The following CCSER1 variants were observed in gnomAD, a reference collection of about 807,000 sequenced individuals.
CCSER1 encodes the protein coiled-coil serine rich protein 1.
In CCSER1, 41 loss-of-function variants were observed where a neutral mutation model predicts 82.0. The observed-to-expected ratio is 0.50, with a 90% CI of 0.39 to 0.65. CCSER1 has a LOEUF of 0.65. Ranked by LOEUF, CCSER1 falls within the 30% of genes least tolerant of loss-of-function variation. The probability of loss-of-function intolerance (pLI) is 0.00; values close to 1 mark genes in which losing one functional copy is unlikely to be tolerated. For synonymous variants in CCSER1, 414 were observed against 383.9 expected (o/e 1.08, Z -0.92); for missense variants, 1,119 against 1,064.2 (o/e 1.05, Z -0.72).
chr4:90,639,683 G>T (rs1560862285), intron 6 of CCSER1, among the ~76,000 whole-genome samples: 1 of 152,060 alleles, frequency 6.6e-6, no homozygotes, highest in Non-Finnish European at 1.5e-5. Flanking sequence ...GTTACAGGCA[G>T]ATTATATTGC....
chr4:91,497,116 C>A (rs1326085064), intron 10 of CCSER1, among the ~76,000 whole-genome samples: 1 of 151,238 alleles, frequency 6.6e-6, no homozygotes, highest in Non-Finnish European at 1.5e-5. Context: ...GTTGCCTGGG[C>A]TTAAATCCCA....
chr4:90,355,285 A>G (rs1744188714), intron 3 of CCSER1, among the ~76,000 whole-genome samples: 1 of 152,044 alleles, frequency 6.6e-6, no homozygotes, highest in Non-Finnish European at 1.5e-5. Context: ...GATATATTAT[A>G]GTAAAAGAAA....
chr4:90,270,939 T>A (rs933332381), intron 1 of CCSER1, among the ~76,000 whole-genome samples: 7 of 151,952 alleles, frequency 4.6e-5, no homozygotes, highest in African/African-American at 1.7e-4. Context: ...GCCAAAGACA[T>A]GAAAGATCTC....
chr4:90,557,972 T>C (rs1020720551), intron 5 of CCSER1, among the ~76,000 whole-genome samples: 1 of 152,194 alleles, frequency 6.6e-6, no homozygotes, highest in African/African-American at 2.4e-5. Flanking sequence ...ATTCCAATTG[T>C]GATCCTCTTC....
intron 5 of CCSER1, 177 bp downstream of exon 5, chr4:90,468,531 C>T: frequency 1.9e-6 from 1 of 528,382 alleles, no homozygotes; most frequent in Non-Finnish European, 3.2e-6. Context: ...TGTCTCCTAA[C>T]TTCATGTCTT....
chr4:90,932,611 C>T (rs1279246683), intron 9 of CCSER1, among the ~76,000 whole-genome samples: 3 of 151,634 alleles, frequency 2.0e-5, no homozygotes, highest in African/African-American at 4.8e-5. Context: ...GCGAATCACC[C>T]GAGGTCAGGA....
At chr4:90,475,561 C>T (rs1764961823) in intron 5 of CCSER1, among the ~76,000 whole-genome samples, 1 of 152,156 alleles carries the variant, frequency 6.6e-6, no homozygotes, top group Admixed American at 6.6e-5. Context: ...CAGTTGGAAG[C>T]ACAAGGGACA....
chr4:90,302,977 G>C (rs946281309), intron 1 of CCSER1, among the ~76,000 whole-genome samples: 4 of 152,052 alleles, frequency 2.6e-5, no homozygotes, highest in African/African-American at 9.7e-5. Flanking sequence ...AAAGAATATG[G>C]ATAATCTTGA....
At chr4:91,207,666 C>T (rs12510717) in intron 10 of CCSER1, among the ~76,000 whole-genome samples, 93,998 of 151,728 alleles carry the variant, frequency 0.62, 29,777 homozygotes, top group East Asian at 0.93. Flanking sequence ...GTCTTTGCTA[C>T]TGTGAATAGT....
intron 3 of CCSER1, among the ~76,000 whole-genome samples, chr4:90,370,630 G>A (rs1313372425): frequency 6.6e-6 from 1 of 151,936 alleles, no homozygotes; most frequent in Non-Finnish European, 1.5e-5. Flanking sequence ...TGCAAGGTTT[G>A]TGTTTCCTTT....
chr4:90,395,351 A>C (rs1244512141), intron 3 of CCSER1, among the ~76,000 whole-genome samples: 1 of 152,228 alleles, frequency 6.6e-6, no homozygotes, highest in African/African-American at 2.4e-5. Flanking sequence ...CAAATGTATT[A>C]ATGCTAGGCA....
intron 9 of CCSER1, among the ~76,000 whole-genome samples, chr4:91,009,035 G>A (rs753472988): frequency 1.7e-4 from 26 of 152,304 alleles, no homozygotes; most frequent in Middle Eastern, 6.8e-3. Context: ...GATCGGGAGC[G>A]GCAATGGGTG....
chr4:90,878,592 T>C (rs1396448529), intron 8 of CCSER1, among the ~76,000 whole-genome samples: 1 of 152,144 alleles, frequency 6.6e-6, no homozygotes, highest in Non-Finnish European at 1.5e-5. Context: ...CATGTTGCTA[T>C]ATGTTCTCAT....
rs185448734 is a variant in CCSER1, at chr4:90,831,783, A to G, written c.2094+15938A>G. ...TATTAGGTAAAATTTAGTTTAGACT[A>G]TATTTTTGAAAACTTTTTAAATGAA... On this transcript the variant is annotated intron_variant, in intron 8 of 10. Coordinates refer to ENST00000509176, the MANE Select transcript of CCSER1 (RefSeq NM_001145065.2). 5.7e-3 allele frequency among the ~76,000 whole-genome samples: 865 copies of G among 152,266 alleles called. 6 individuals carry two copies. The highest frequency in any genetic ancestry group is 7.5e-3 in the Non-Finnish European group (508 of 67,994).
Position 90,159,495 on chromosome 4 carries a change from G to T in CCSER1, c.-42+31664G>T, listed in dbSNP as rs1246184807. Reference sequence around the variant, plus strand: ...AACTTTGGTGTCTAGGAAGACAGTTGTTTCCTTACTAGAGAGAGAACACAC... The same window carrying T: ...AACTTTGGTGTCTAGGAAGACAGTTTTTTCCTTACTAGAGAGAGAACACAC... On this transcript the variant is annotated intron_variant, in intron 1 of 10. Transcript: ENST00000509176. Among the ~76,000 whole-genome samples the T allele has an allele frequency of 2.6e-5, 4 of 152,180 alleles. No homozygotes were observed. In the East Asian group the frequency reaches 7.7e-4, roughly 29 times the overall value.
intron 2 of CCSER1, among the ~76,000 whole-genome samples, 184 bp from the exon 3 acceptor site, chr4:90,312,679 C>T (rs373050278): frequency 2.3e-4 from 35 of 152,222 alleles, no homozygotes; most frequent in East Asian, 1.7e-3. Flanking sequence ...TGACTCCAAA[C>T]GTTTTGGGCT....
At chr4:91,088,480 T>C (rs1419703306) in intron 10 of CCSER1, among the ~76,000 whole-genome samples, 4 of 152,164 alleles carry the variant, frequency 2.6e-5, no homozygotes, top group African/African-American at 9.7e-5. Context: ...AACTATATGC[T>C]GTATAAAAAT....
rs1415221263 is a variant in CCSER1, at chr4:90,847,290, G to A, written c.2094+31445G>A. ...TTAAAGAACACTGGGACAGATGTAT[G>A]CATGGGCTGTGTGTGCATGCTGTCA... On this transcript the variant is annotated intron_variant, in intron 8 of 10. Transcript: ENST00000509176. 2.6e-5 allele frequency among the ~76,000 whole-genome samples: 4 copies of A among 152,184 alleles called. 1 individual carries two copies. The highest frequency in any genetic ancestry group is 5.9e-5 in the Non-Finnish European group (4 of 68,022).
At chr4:90,718,558 G>A (rs572639646) in intron 6 of CCSER1, among the ~76,000 whole-genome samples, 7 of 152,224 alleles carry the variant, frequency 4.6e-5, no homozygotes, top group Admixed American at 2.0e-4. Context: ...TATGGAACAT[G>A]AAAGTATGCA....
Sources: gnomAD v4.1 joint callset for allele counts (sites outside exome capture counted in the v4.1 genomes callset) on GRCh38, gnomAD v4.1.1 for gene constraint, MANE v1.5 for transcripts, NCBI Gene and HGNC (gene_info 2026-07-23, HGNC 2026-07-21) for gene names.